The following ROR1 variants were observed in gnomAD, a reference collection of about 807,000 sequenced individuals.
ROR1 encodes the protein ROR family WNT receptor 1, also known as inactive tyrosine-protein kinase transmembrane receptor ROR1.
ROR1 carries 19 observed loss-of-function variants against 78.8 expected under a neutral mutation model. The ratio of observed to expected loss-of-function variants is 0.24; its 90% CI spans 0.17 to 0.35. ROR1 has a LOEUF of 0.35. ROR1 is among the 10% of genes least tolerant of loss of function. The pLI is 1.00. For missense variants in ROR1, 917 were observed against 1,177.8 expected, an observed-to-expected ratio of 0.78 and a Z score of 3.24; for synonymous variants, 386 against 433.6, an observed-to-expected ratio of 0.89 and a Z score of 1.36.
At chr1:63,901,130 G>T (rs1480851790) in intron 1 of ROR1, among the ~76,000 whole-genome samples, 1 of 152,172 alleles carries the variant, frequency 6.6e-6, no homozygotes, top group African/African-American at 2.4e-5. Context: ...CCCGCTGTAA[G>T]CTAGCAAACG....
chr1:63,856,738 A>G (rs1055990351), intron 1 of ROR1, among the ~76,000 whole-genome samples: 1 of 151,968 alleles, frequency 6.6e-6, no homozygotes, highest in African/African-American at 2.4e-5. Context: ...CCCTTTACTG[A>G]CTGTTATACC....
intron 2 of ROR1, among the ~76,000 whole-genome samples, chr1:64,025,667 T>G (rs1439714092): frequency 3.3e-5 from 5 of 152,112 alleles, no homozygotes; most frequent in Non-Finnish European, 7.3e-5. Flanking sequence ...ATATATATGA[T>G]AGAATACTTC....
intron 4 of ROR1, among the ~76,000 whole-genome samples, chr1:64,079,077 C>G (rs887485541): frequency 6.6e-6 from 1 of 152,140 alleles, no homozygotes; most frequent in Non-Finnish European, 1.5e-5. Context: ...TAGGTGATTT[C>G]AGGTTCAGAC....
intron 1 of ROR1, among the ~76,000 whole-genome samples, chr1:63,882,015 G>T (rs1645326224): frequency 1.3e-5 from 2 of 152,276 alleles, no homozygotes; most frequent in South Asian, 4.2e-4. Context: ...GGTACTATAG[G>T]AGGGGATCAT....
chr1:63,853,977 C>G (rs1328890403), intron 1 of ROR1, among the ~76,000 whole-genome samples: 1 of 152,162 alleles, frequency 6.6e-6, no homozygotes, highest in Non-Finnish European at 1.5e-5. Flanking sequence ...TTAACTAATG[C>G]TGCTGTGACT....
chr1:63,856,206 A>G (rs683389), intron 1 of ROR1, among the ~76,000 whole-genome samples: 64,071 of 151,906 alleles, frequency 0.42, 16,475 homozygotes, highest in African/African-American at 0.73. Context: ...TATTCCTACA[A>G]ATATTTTTGA....
At chr1:63,967,992 T>C (rs1202238207) in intron 1 of ROR1, among the ~76,000 whole-genome samples, 1 of 152,210 alleles carries the variant, frequency 6.6e-6, no homozygotes, top group Non-Finnish European at 1.5e-5. Flanking sequence ...ACAAATTCCT[T>C]CTTACATTTT....
intron 7 of ROR1, chr1:64,142,929 A>G (rs938715275): frequency 3.4e-5 from 42 of 1,239,472 alleles, no homozygotes; most frequent in Admixed American, 7.3e-5. Flanking sequence ...GAGACAGTTT[A>G]TCACATTGAT....
At chr1:63,997,166 C>T (rs1323831521) in intron 1 of ROR1, among the ~76,000 whole-genome samples, 1 of 152,154 alleles carries the variant, frequency 6.6e-6, no homozygotes, top group Non-Finnish European at 1.5e-5. Context: ...TTGTTTTTCT[C>T]CCCATCTATG....
At chr1:63,895,369 G>A (rs1223017185) in intron 1 of ROR1, among the ~76,000 whole-genome samples, 1 of 152,200 alleles carries the variant, frequency 6.6e-6, no homozygotes, top group Admixed American at 6.5e-5. Flanking sequence ...TGCTGGGCTT[G>A]AAACTGTGGG....
intron 1 of ROR1, among the ~76,000 whole-genome samples, chr1:63,791,297 C>T (rs1022201408): frequency 6.6e-6 from 1 of 152,088 alleles, no homozygotes; most frequent in African/African-American, 2.4e-5. Flanking sequence ...CCAATGCAGG[C>T]TCCTGTTAGA....
chr1:64,149,203 C>T (rs139848655), intron 7 of ROR1, among the ~76,000 whole-genome samples: 120 of 152,190 alleles, frequency 7.9e-4, no homozygotes, highest in African/African-American at 2.7e-3. Context: ...TTAATCCACA[C>T]GGTAAACACA....
chr1:64,032,363 A>C (rs1246293197), intron 2 of ROR1, among the ~76,000 whole-genome samples: 1 of 139,112 alleles, frequency 7.2e-6, no homozygotes, highest in Non-Finnish European at 1.6e-5. Context: ...AAAAAAAAAA[A>C]TGCAAAAAGC....
At chr1:63,843,367 A>G (rs755577097) in intron 1 of ROR1, 1 of 829,062 alleles carries the variant, frequency 1.2e-6, no homozygotes, top group Non-Finnish European at 2.1e-6. Context: ...AGGGGAGCAG[A>G]CTCAGGGACC....
At chr1:63,815,473 C>CTT (rs1557510128) in intron 1 of ROR1, among the ~76,000 whole-genome samples, 16 of 96,098 alleles carry the variant, frequency 1.7e-4, no homozygotes, top group African/African-American at 1.2e-3. Context: ...CTTTTCTTTT[C>CTT]TTTTCTTTTT....
intron 1 of ROR1, among the ~76,000 whole-genome samples, chr1:63,791,909 AT>A (rs1200154820): frequency 6.6e-6 from 1 of 152,112 alleles, no homozygotes; most frequent in East Asian, 1.9e-4. Context: ...GGCCTCCTTT[AT>A]TCACTCAACA....
At chr1:64,146,229 A>G (rs1183717966) in intron 7 of ROR1, among the ~76,000 whole-genome samples, 3 of 152,202 alleles carry the variant, frequency 2.0e-5, no homozygotes, top group Non-Finnish European at 4.4e-5. Flanking sequence ...TAATCTCAGC[A>G]CTTTGGGAGG....
At chr1:63,865,938 G>A (rs1645212958) in intron 1 of ROR1, among the ~76,000 whole-genome samples, 2 of 152,108 alleles carry the variant, frequency 1.3e-5, no homozygotes, top group Admixed American at 1.3e-4. Context: ...ATGAAATGTG[G>A]CAAGTCTGGT....
At chr1:64,042,231 C>T (rs75154309) in intron 2 of ROR1, among the ~76,000 whole-genome samples, 3,931 of 152,156 alleles carry the variant, frequency 0.026, 165 homozygotes, top group African/African-American at 0.091. Context: ...ATTCCATCCT[C>T]GAACAATTAA....
Sources: allele counts gnomAD v4.1 joint callset (sites outside exome capture counted in the v4.1 genomes callset), GRCh38; gene constraint gnomAD v4.1.1; transcripts MANE v1.5; gene names NCBI Gene and HGNC (gene_info 2026-07-23, HGNC 2026-07-21).